The following RETREG1 variants were observed in gnomAD, a reference collection of about 807,000 sequenced individuals.
The protein encoded by RETREG1 is reticulophagy regulator 1.
A neutral mutation model predicts 54.8 loss-of-function variants in RETREG1; 44 were observed. The observed-to-expected ratio is 0.80, with a 90% CI of 0.63 to 1.03. The LOEUF (loss-of-function observed/expected upper bound fraction) is 1.03. Ranked by LOEUF, RETREG1 falls within the 50% of genes least tolerant of loss-of-function variation. RETREG1 has a pLI of 0.00. For missense variants in RETREG1, 554 were observed against 605.1 expected (o/e 0.92, Z 0.89); for synonymous variants, 217 against 238.5 (o/e 0.91, Z 0.83).
intron 1 of RETREG1, among the ~76,000 whole-genome samples, chr5:16,609,596 T>C (rs2126373973): frequency 6.6e-6 from 1 of 152,160 alleles, no homozygotes; most frequent in Non-Finnish European, 1.5e-5. Flanking sequence ...ACCTAAGGAA[T>C]GCTGCATTCC....
In RETREG1 at chr5:16,561,826, G is replaced by C. The variant is rs922337779; in HGVS notation, c.458+3937C>G. Among the ~76,000 whole-genome samples, 4 of 152,236 alleles carry C rather than the reference G, an allele frequency of 2.6e-5. No homozygotes were observed. Among genetic ancestry groups the C allele is most frequent in the Admixed American group, 6.5e-5 (1 of 15,290 alleles). On this transcript the variant is annotated intron_variant, in intron 3 of 8. Transcript: ENST00000306320. The surrounding 1 kb of genome is among the most constrained non-coding windows in gnomAD (Gnocchi z 4.2). ...TCAGAAGGGTTGTGGGTGCAAGAAA[G>C]AAGGGGAGAAAATACCTTGACCAGT...
At chr5:16,571,118 C>T (rs899628896) in intron 2 of RETREG1, among the ~76,000 whole-genome samples, 4 of 152,108 alleles carry the variant, frequency 2.6e-5, no homozygotes, top group Non-Finnish European at 5.9e-5. Context: ...ATAGTAAATC[C>T]GTACCAGCTG....
chr5:16,569,055 A>T (rs934765146), intron 2 of RETREG1, among the ~76,000 whole-genome samples: 2 of 152,136 alleles, frequency 1.3e-5, no homozygotes, highest in African/African-American at 2.4e-5. Flanking sequence ...CCGTAACTGC[A>T]TCTGGATCTA....
chr5:16,483,642 CAAAAG>C (rs1469876720), intron 3 of RETREG1, among the ~76,000 whole-genome samples, 170 bp from the exon 4 acceptor site: 5 of 152,058 alleles, frequency 3.3e-5, no homozygotes, highest in Non-Finnish European at 7.4e-5. Context: ...ACTCACATGT[CAAAAG>C]AAACAATTAG....
chr5:16,501,298 G>A (rs114890961), intron 3 of RETREG1, among the ~76,000 whole-genome samples: 261 of 152,282 alleles, frequency 1.7e-3, no homozygotes, highest in African/African-American at 5.9e-3. Flanking sequence ...GCTAGTACCT[G>A]GTTAAGGCTG....
chr5:16,613,920 A>C (rs751262060), intron 1 of RETREG1, among the ~76,000 whole-genome samples: 6 of 152,260 alleles, frequency 3.9e-5, no homozygotes, highest in Non-Finnish European at 8.8e-5. Flanking sequence ...GGAAAAAAAA[A>C]CAAAATTTTA....
At chr5:16,547,938 T>A (rs1302835683) in intron 3 of RETREG1, among the ~76,000 whole-genome samples, 1 of 152,162 alleles carries the variant, frequency 6.6e-6, no homozygotes, top group Non-Finnish European at 1.5e-5. Context: ...CACTGAGGGT[T>A]AGAAGAACGT....
chr5:16,616,514 G>A, intron 1 of RETREG1, 138 bp downstream of exon 1: 6 of 1,409,456 alleles, frequency 4.3e-6, no homozygotes, highest in Non-Finnish European at 5.7e-6. Flanking sequence ...CGAGACAGGT[G>A]GCCGAGAAAG....
intron 3 of RETREG1, among the ~76,000 whole-genome samples, chr5:16,490,480 C>G (rs1026742924): frequency 6.6e-5 from 10 of 152,116 alleles, no homozygotes; most frequent in Admixed American, 5.9e-4. Flanking sequence ...GTTAACAATT[C>G]AAATAAAGGG....
chr5:16,477,894 T>G, intron 7 of RETREG1, 106 bp from the exon 8 acceptor site: 1 of 1,444,694 alleles, frequency 6.9e-7, no homozygotes. Flanking sequence ...AAAAACCAAA[T>G]GGATATTTTT....
At chr5:16,607,684 A>G (rs1407479127) in intron 1 of RETREG1, among the ~76,000 whole-genome samples, 2 of 152,008 alleles carry the variant, frequency 1.3e-5, no homozygotes, top group Non-Finnish European at 2.9e-5. Context: ...AGGGAGGAAT[A>G]TTATGGTATT....
At chr5:16,520,022 C>T (rs1740479775) in intron 3 of RETREG1, among the ~76,000 whole-genome samples, 1 of 152,146 alleles carries the variant, frequency 6.6e-6, no homozygotes. Context: ...GACTGTGCCT[C>T]CCAAAAGGGT....
chr5:16,616,452 T>G, intron 1 of RETREG1, 200 bp downstream of exon 1: 1 of 985,304 alleles, frequency 1.0e-6, no homozygotes, highest in East Asian at 3.0e-5. Flanking sequence ...GAACGACAAC[T>G]GCTCACAGGG....
chr5:16,486,293 G>C lies in RETREG1; in HGVS notation c.459-2821C>G, dbSNP rs552718113. Among the ~76,000 whole-genome samples, 259 of 152,224 alleles carry C rather than the reference G, an allele frequency of 1.7e-3. 1 individual carries two copies. The highest frequency in any genetic ancestry group is 5.9e-3 in the African/African-American group (244 of 41,548). On this transcript the variant is annotated intron_variant, in intron 3 of 8. Coordinates refer to ENST00000306320, the MANE Select transcript of RETREG1 (RefSeq NM_001034850.3). ...ATTTAAAAAGAAAATGTAAGTTCCA[G>C]GGTGAAAAAAAGATGTCACTCCACA...
At chr5:16,612,733 A>C (rs1743382292) in intron 1 of RETREG1, among the ~76,000 whole-genome samples, 1 of 152,034 alleles carries the variant, frequency 6.6e-6, no homozygotes, top group South Asian at 2.1e-4. Context: ...CATGAATATC[A>C]TTTTTTAGCA....
At chr5:16,546,496 T>C (rs149395564) in intron 3 of RETREG1, among the ~76,000 whole-genome samples, 64 of 152,356 alleles carry the variant, frequency 4.2e-4, no homozygotes, top group Middle Eastern at 6.8e-3. Flanking sequence ...GATAAATGTC[T>C]GACTTTAGAA....
chr5:16,569,393 T>C (rs1211094388), intron 2 of RETREG1, among the ~76,000 whole-genome samples: 3 of 151,686 alleles, frequency 2.0e-5, no homozygotes, highest in Non-Finnish European at 4.4e-5. Flanking sequence ...CGGCCTGATC[T>C]ACAGGATTGC....
chr5:16,599,465 AAAG>A (rs1742991788), intron 1 of RETREG1, among the ~76,000 whole-genome samples: 1 of 152,226 alleles, frequency 6.6e-6, no homozygotes, highest in Non-Finnish European at 1.5e-5. Flanking sequence ...GTATTTTGGA[AAAG>A]AAATGGGAAA....
intron 1 of RETREG1, among the ~76,000 whole-genome samples, chr5:16,576,097 C>A (rs1218632371): frequency 6.6e-6 from 1 of 152,068 alleles, no homozygotes; most frequent in Non-Finnish European, 1.5e-5. Context: ...AAACTTCAAA[C>A]GTACACAAAA....
Sources: gnomAD v4.1 joint callset for allele counts (sites outside exome capture counted in the v4.1 genomes callset) on GRCh38, gnomAD v4.1.1 for gene constraint, Gnocchi (gnomAD v3.1) non-coding constraint, MANE v1.5 for transcripts, NCBI Gene and HGNC (gene_info 2026-07-23, HGNC 2026-07-21) for gene names.